CNTN5: variants seen among roughly 807,000 people sequenced by gnomAD.
The protein encoded by CNTN5 is contactin 5.
A neutral mutation model predicts 129.1 loss-of-function variants in CNTN5; 77 were observed. The ratio of observed to expected loss-of-function variants is 0.60; its 90% CI spans 0.50 to 0.72. CNTN5 has a LOEUF of 0.72. Ranked by LOEUF, CNTN5 falls within the 30% of genes least tolerant of loss-of-function variation. The pLI, the probability that CNTN5 is intolerant of heterozygous loss-of-function variation, is 0.00. For missense variants in CNTN5, 1,478 were observed against 1,328.8 expected (o/e 1.11, Z -1.75); for synonymous variants, 509 against 465.6 (o/e 1.09, Z -1.20).
At chr11:100,265,180 G>A (rs928350307) in intron 17 of CNTN5, among the ~76,000 whole-genome samples, 4 of 152,146 alleles carry the variant, frequency 2.6e-5, no homozygotes, top group Middle Eastern at 3.4e-3. Flanking sequence ...TTCAGAAAAC[G>A]ATTTCTGCAA....
At chr11:99,038,068 A>C (rs1299051348) in intron 1 of CNTN5, among the ~76,000 whole-genome samples, 1 of 152,154 alleles carries the variant, frequency 6.6e-6, no homozygotes, top group South Asian at 2.1e-4. Flanking sequence ...TGCTTTAAAG[A>C]GGCCAACATT....
rs115144746 is a variant in CNTN5 at position 100,105,286 on chromosome 11, T to C, written c.1580+30992T>C. ...CATCTCTGTCATGAGGAAGACTCCA[T>C]GCAGCAGAATACCTAAATTTTAGCA... On this transcript the variant is annotated intron_variant, in intron 13 of 24. Transcript: ENST00000524871. Among the ~76,000 whole-genome samples, 992 of 152,276 alleles carry C rather than the reference T, an allele frequency of 6.5e-3. 10 individuals carry two copies. The highest frequency in any genetic ancestry group is 0.022 in the African/African-American group (899 of 41,570).
At chr11:99,379,797 TA>T (rs1940417364) in intron 2 of CNTN5, among the ~76,000 whole-genome samples, 1 of 152,164 alleles carries the variant, frequency 6.6e-6, no homozygotes, top group Admixed American at 6.6e-5. Flanking sequence ...CAAAGCTGCT[TA>T]AAAGTGAACA....
At chr11:99,157,090 G>A (rs1181837465) in intron 1 of CNTN5, among the ~76,000 whole-genome samples, 1 of 151,900 alleles carries the variant, frequency 6.6e-6, no homozygotes, top group Non-Finnish European at 1.5e-5. Flanking sequence ...GGTAAGTTTT[G>A]GTGATGATAA....
intron 21 of CNTN5, among the ~76,000 whole-genome samples, chr11:100,316,033 T>A (rs1198119890): frequency 1.3e-5 from 2 of 152,208 alleles, no homozygotes; most frequent in Non-Finnish European, 1.5e-5. Context: ...CAGTTTTGAA[T>A]TTATGAACCC....
intron 1 of CNTN5, among the ~76,000 whole-genome samples, chr11:99,300,861 T>A (rs965521832): frequency 2.0e-5 from 3 of 151,972 alleles, no homozygotes; most frequent in Non-Finnish European, 4.4e-5. Flanking sequence ...AACATGATGC[T>A]TTCATCTTCC....
At chr11:99,729,898 GGGTGGT>G (rs1943473649) in intron 3 of CNTN5, among the ~76,000 whole-genome samples, 1 of 152,104 alleles carries the variant, frequency 6.6e-6, no homozygotes, top group Non-Finnish European at 1.5e-5. Flanking sequence ...GGGCCTGTGG[GGGTGGT>G]GGTGGTACAG....
At chr11:99,408,428 A>AAAAG (rs1156931446) in intron 2 of CNTN5, among the ~76,000 whole-genome samples, 4,159 of 93,338 alleles carry the variant, frequency 0.045, 281 homozygotes, top group African/African-American at 0.12. Context: ...GAAGGAAAGA[A>AAAAG]AAAGAAAGAA....
chr11:99,314,118 A>T (rs968939667), intron 1 of CNTN5, among the ~76,000 whole-genome samples: 1 of 150,920 alleles, frequency 6.6e-6, no homozygotes, highest in Non-Finnish European at 1.5e-5. Context: ...TAGTCAACAA[A>T]TATTAATTAA....
At chr11:99,527,823 C>T (rs1947545880) in intron 2 of CNTN5, among the ~76,000 whole-genome samples, 1 of 152,160 alleles carries the variant, frequency 6.6e-6, no homozygotes, top group African/African-American at 2.4e-5. Context: ...AATTTATTAT[C>T]TGCATCAAAC....
At chr11:99,096,953 G>A (rs1291982493) in intron 1 of CNTN5, among the ~76,000 whole-genome samples, 1 of 151,814 alleles carries the variant, frequency 6.6e-6, no homozygotes, top group Non-Finnish European at 1.5e-5. Flanking sequence ...TAGGAGGAAT[G>A]TCCTGTTATA....
At chr11:100,272,317 C>T (rs1388114174) in intron 18 of CNTN5, among the ~76,000 whole-genome samples, 1 of 152,112 alleles carries the variant, frequency 6.6e-6, no homozygotes, top group Non-Finnish European at 1.5e-5. Context: ...AGGTCAGATA[C>T]ACATATACAT....
chr11:100,096,520 C>G (rs1423158886), intron 13 of CNTN5, among the ~76,000 whole-genome samples: 7 of 152,032 alleles, frequency 4.6e-5, no homozygotes, highest in Non-Finnish European at 8.8e-5. Flanking sequence ...CCTGGGAGCT[C>G]CATCACTGTT....
At chr11:99,912,209 A>G (rs1949679026) in intron 6 of CNTN5, among the ~76,000 whole-genome samples, 1 of 152,094 alleles carries the variant, frequency 6.6e-6, no homozygotes, top group Middle Eastern at 3.4e-3. Flanking sequence ...GAAGGAAATA[A>G]AGGAAAAATC....
intron 13 of CNTN5, among the ~76,000 whole-genome samples, chr11:100,118,999 T>G (rs868488035): frequency 6.6e-6 from 1 of 151,482 alleles, no homozygotes; most frequent in African/African-American, 2.4e-5. Context: ...ACATTAACCA[T>G]GTCAAAGTGT....
chr11:99,918,024 T>C (rs1314902452), intron 7 of CNTN5, among the ~76,000 whole-genome samples: 1 of 152,126 alleles, frequency 6.6e-6, no homozygotes, highest in East Asian at 1.9e-4. Context: ...AAGCTTCTTA[T>C]TTTCTGAACA....
At chr11:99,160,041 A>T (rs1188792708) in intron 1 of CNTN5, among the ~76,000 whole-genome samples, 2 of 152,210 alleles carry the variant, frequency 1.3e-5, no homozygotes, top group East Asian at 1.9e-4. Flanking sequence ...TGTTCATGAG[A>T]TTTAAACTAT....
At chr11:99,556,424 G>A (rs186395888) in intron 3 of CNTN5, among the ~76,000 whole-genome samples, 155 bp downstream of exon 3, 4 of 150,290 alleles carry the variant, frequency 2.7e-5, no homozygotes, top group Non-Finnish European at 3.0e-5. Flanking sequence ...CCCTTAAGCC[G>A]CTGTTAACAT....
chr11:99,894,083 T>C (rs989329022), intron 6 of CNTN5, among the ~76,000 whole-genome samples: 2 of 152,108 alleles, frequency 1.3e-5, no homozygotes, highest in African/African-American at 4.8e-5. Context: ...AATAAAATTA[T>C]CTCTTCCTGC....
Sources: allele counts gnomAD v4.1 joint callset (sites outside exome capture counted in the v4.1 genomes callset), GRCh38; gene constraint gnomAD v4.1.1; transcripts MANE v1.5; gene names NCBI Gene and HGNC (gene_info 2026-07-23, HGNC 2026-07-21).